The following FER1L6 variants were observed in gnomAD, a reference collection of about 807,000 sequenced individuals.
The protein encoded by FER1L6 is fer-1-like protein 6.
FER1L6 carries 177 observed loss-of-function variants against 219.2 expected under a neutral mutation model. That is an observed-to-expected ratio of 0.81 (90% CI 0.71 to 0.91). FER1L6 has a LOEUF of 0.91. Among genes scored for constraint, FER1L6 ranks in the 40% least tolerant of loss-of-function variants. The probability of loss-of-function intolerance (pLI) is 0.00; values close to 1 mark genes in which losing one functional copy is unlikely to be tolerated. For synonymous variants in FER1L6, 768 were observed against 824.3 expected, an observed-to-expected ratio of 0.93 and a Z score of 1.17; for missense variants, 2,153 against 2,259.9, an observed-to-expected ratio of 0.95 and a Z score of 0.96.
chr8:123,952,411 C>G (rs954542004), intron 1 of FER1L6, among the ~76,000 whole-genome samples: 2 of 152,212 alleles, frequency 1.3e-5, no homozygotes. Context: ...TCATTTAATG[C>G]TCTTATTGTT....
chr8:124,029,355 A>T (rs1442513272), intron 18 of FER1L6, among the ~76,000 whole-genome samples: 1 of 152,222 alleles, frequency 6.6e-6, no homozygotes, highest in Non-Finnish European at 1.5e-5. Flanking sequence ...GAATCGCCAC[A>T]CTGTCTTCCA....
chr8:123,958,307 T>G (rs902639496), intron 2 of FER1L6, among the ~76,000 whole-genome samples: 9 of 152,140 alleles, frequency 5.9e-5, no homozygotes, highest in East Asian at 5.8e-4. Context: ...CTGTCTTCTA[T>G]GGGGGCATGG....
In FER1L6 at chr8:123,953,456, C is replaced by T. The variant is rs76505342; in HGVS notation, c.-7-2536C>T. 7.6e-4 allele frequency among the ~76,000 whole-genome samples: 116 copies of T among 152,268 alleles called. 1 individual carries two copies. The East Asian group carries it at 0.021, about 27-fold the overall frequency. On this transcript the variant is annotated intron_variant, in intron 1 of 40. Transcript: ENST00000522917. ...TTTTATAAACTTCCTTAGGCGACTC[C>T]AATGGGCAGCAGGGTCCAGAGCTCT...
chr8:123,930,441 T>C (rs1372149119), intron 1 of FER1L6, among the ~76,000 whole-genome samples: 1 of 152,188 alleles, frequency 6.6e-6, no homozygotes, highest in Non-Finnish European at 1.5e-5. Context: ...CCATAACATA[T>C]ACACATAAAC....
intron 1 of FER1L6, among the ~76,000 whole-genome samples, chr8:123,895,764 C>T (rs568755596): frequency 6.6e-6 from 1 of 152,248 alleles, no homozygotes; most frequent in East Asian, 1.9e-4. Flanking sequence ...TCATCTCACC[C>T]GTGAAATCAA....
intron 18 of FER1L6, among the ~76,000 whole-genome samples, chr8:124,028,578 T>C (rs1818818836): frequency 6.6e-6 from 1 of 152,162 alleles, no homozygotes; most frequent in Admixed American, 6.5e-5. Context: ...ATCTCTAAAC[T>C]CTCTAAGCTA....
chr8:123,878,036 T>A (rs1162942501), intron 1 of FER1L6, among the ~76,000 whole-genome samples: 1 of 152,048 alleles, frequency 6.6e-6, no homozygotes, highest in Non-Finnish European at 1.5e-5. Flanking sequence ...AAATGGAGGG[T>A]CTCCTTTAAG....
intron 12 of FER1L6, among the ~76,000 whole-genome samples, chr8:123,997,309 T>C (rs1817179592): frequency 6.6e-6 from 1 of 152,180 alleles, no homozygotes; most frequent in Admixed American, 6.5e-5. Flanking sequence ...GTTTTTGTTG[T>C]TATTGTTTAG....
chr8:123,860,753 G>A (rs1423361143), intron 1 of FER1L6, among the ~76,000 whole-genome samples: 9 of 125,728 alleles, frequency 7.2e-5, no homozygotes, highest in Admixed American at 1.7e-4. Flanking sequence ...ATTTTTTCAT[G>A]TGTTTTTTGG....
chr8:124,017,328 A>C (rs1156233894), intron 15 of FER1L6, among the ~76,000 whole-genome samples: 1 of 152,168 alleles, frequency 6.6e-6, no homozygotes, highest in Non-Finnish European at 1.5e-5. Context: ...GATGAAGGAA[A>C]ACAGTATTTT....
chr8:124,016,883 TA>T (rs1459880849), intron 15 of FER1L6, among the ~76,000 whole-genome samples: 2 of 152,326 alleles, frequency 1.3e-5, no homozygotes, highest in East Asian at 3.9e-4. Flanking sequence ...AATTCTAGTG[TA>T]ATTTAGTTTA....
chr8:124,016,410 T>G (rs1268347741), intron 15 of FER1L6, among the ~76,000 whole-genome samples: 1 of 152,186 alleles, frequency 6.6e-6, no homozygotes, highest in East Asian at 1.9e-4. Context: ...TTTTGTTTCC[T>G]TTATAATTGA....
At chr8:123,884,970 A>C (rs1817173004) in intron 1 of FER1L6, among the ~76,000 whole-genome samples, 1 of 152,182 alleles carries the variant, frequency 6.6e-6, no homozygotes, top group East Asian at 1.9e-4. Flanking sequence ...GTTAGCCCTA[A>C]ATCCAACTAG....
chr8:123,859,567 A>G (rs1422831079), intron 1 of FER1L6, among the ~76,000 whole-genome samples: 2 of 138,168 alleles, frequency 1.4e-5, no homozygotes, highest in African/African-American at 5.6e-5. Flanking sequence ...TTTTTTTTTA[A>G]TACTTTAAGT....
intron 14 of FER1L6, among the ~76,000 whole-genome samples, chr8:124,011,326 C>T (rs1817909936): frequency 6.6e-6 from 1 of 152,130 alleles, no homozygotes; most frequent in African/African-American, 2.4e-5. Flanking sequence ...ACACCTTCTA[C>T]CCCCTTATCT....
chr8:124,091,364 T>G lies in FER1L6; in HGVS notation c.4392-59T>G, dbSNP rs565436313. 130 of 1,413,570 alleles carry G rather than the reference T, an allele frequency of 9.2e-5. 1 individual carries two copies. The highest frequency in any genetic ancestry group is 8.9e-4 in the Middle Eastern group (5 of 5,604). 87.6% of individuals were successfully genotyped at this position (1,413,570 alleles called of 1,614,324 possible). A position where few individuals can be genotyped will look rare whatever the true frequency, so the allele number is the denominator to read the frequency against. The stretch of plus-strand genomic sequence containing the variant: ...TTAAATCTGAAAGAAACTGCACAGA[T>G]CATACTGGGTGGTTCTTTAAGTGAG... On this transcript the variant is annotated intron_variant, in intron 33 of 40. Coordinates refer to ENST00000522917, the MANE Select transcript of FER1L6 (RefSeq NM_001039112.2).
At chr8:123,898,018 G>T (rs1399975754) in intron 1 of FER1L6, among the ~76,000 whole-genome samples, 1 of 152,018 alleles carries the variant, frequency 6.6e-6, no homozygotes, top group Non-Finnish European at 1.5e-5. Context: ...GATACTTGTG[G>T]TGAGGCATAT....
At chr8:123,911,078 G>A (rs940364065) in intron 1 of FER1L6, among the ~76,000 whole-genome samples, 5 of 152,082 alleles carry the variant, frequency 3.3e-5, no homozygotes, top group Non-Finnish European at 7.4e-5. Context: ...CAGTGATGAT[G>A]ATCATTGGGC....
intron 1 of FER1L6, among the ~76,000 whole-genome samples, chr8:123,859,358 GT>G (rs1016765145): frequency 8.7e-4 from 127 of 145,194 alleles, no homozygotes; most frequent in African/African-American, 3.5e-3. Flanking sequence ...GAAAGAGTCA[GT>G]CAAGCTAATC....
Sources: gnomAD v4.1 joint callset for allele counts (sites outside exome capture counted in the v4.1 genomes callset) on GRCh38, gnomAD v4.1.1 for gene constraint, MANE v1.5 for transcripts, NCBI Gene and HGNC (gene_info 2026-07-23, HGNC 2026-07-21) for gene names.